The following NMD3 variants were observed in gnomAD, a reference collection of about 807,000 sequenced individuals.
The protein encoded by NMD3 is NMD3 ribosome export adaptor.
A neutral mutation model predicts 73.1 loss-of-function variants in NMD3; 47 were observed. The ratio of observed to expected loss-of-function variants is 0.64; its 90% CI spans 0.51 to 0.82. The LOEUF is 0.82. NMD3 is among the 40% of genes least tolerant of loss of function. NMD3 has a pLI of 0.00. For synonymous variants in NMD3, 210 were observed against 194.5 expected (o/e 1.08, Z -0.66); for missense variants, 554 against 612.5 (o/e 0.90, Z 1.01).
downstream of NMD3, chr3:161,252,665 G>A (rs1230356206): frequency 1.9e-6 from 1 of 521,168 alleles, no homozygotes; most frequent in Admixed American, 3.2e-5. Flanking sequence ...TCCCAAAGTT[G>A]TTATGGCTTG....
At chr3:161,243,264 A>C (rs1387601505) in intron 11 of NMD3, among the ~76,000 whole-genome samples, 1 of 152,206 alleles carries the variant, frequency 6.6e-6, no homozygotes, top group Non-Finnish European at 1.5e-5. Context: ...ATTAATAATA[A>C]AATAGACCAA....
At chr3:161,250,395 G>T in intron 15 of NMD3, 69 bp downstream of exon 15, 4 of 904,824 alleles carry the variant, frequency 4.4e-6, no homozygotes, top group East Asian at 5.2e-5. Flanking sequence ...TGAATATTTT[G>T]GTATCTTAAG....
intron 2 of NMD3, 110 bp from the exon 3 acceptor site, chr3:161,224,820 G>A: frequency 9.3e-7 from 1 of 1,077,184 alleles, no homozygotes; most frequent in South Asian, 1.7e-5. Flanking sequence ...TTTGAAAAGG[G>A]CAAAGATGCT....
At chr3:161,238,916 T>A in intron 9 of NMD3, 90 bp downstream of exon 9, 1 of 605,258 alleles carries the variant, frequency 1.7e-6, no homozygotes, top group Non-Finnish European at 2.9e-6. Flanking sequence ...GGTTTTCCTC[T>A]AGGGTTGGTT....
At chr3:161,227,551 G>T (rs1310967815) in intron 4 of NMD3, among the ~76,000 whole-genome samples, 1 of 147,396 alleles carries the variant, frequency 6.8e-6, no homozygotes, top group Non-Finnish European at 1.5e-5. Flanking sequence ...GGGTTCACAC[G>T]ATTCTCCTGC....
In NMD3 at chr3:161,241,481, C is replaced by T. The variant is rs571430358; in HGVS notation, c.871+318C>T. Among the ~76,000 whole-genome samples the T allele has an allele frequency of 1.0e-3, 141 of 140,576 alleles. 1 individual carries two copies. Among genetic ancestry groups the T allele is most frequent in the Non-Finnish European group, 1.6e-3 (108 of 66,596 alleles). 92.2% of individuals were successfully genotyped at this position (140,576 alleles called of 152,430 possible). The stretch of plus-strand genomic sequence containing the variant: ...TATTGCCCAGGCTGGTGTGCAGTGG[C>T]GCAATCTCAGCTCACTGCAACCTCC... On this transcript the variant is annotated intron_variant, in intron 10 of 15. Coordinates refer to ENST00000351193, the MANE Select transcript of NMD3 (RefSeq NM_015938.5).
chr3:161,221,881 A>G (rs1387660823), intron 1 of NMD3, 113 bp from the exon 2 acceptor site: 3 of 634,878 alleles, frequency 4.7e-6, no homozygotes, highest in African/African-American at 1.9e-5. Context: ...TTCTGTGAAT[A>G]TATTAATTAT....
rs569860028 is a variant in NMD3 at position 161,227,119 on chromosome 3, A to T, written c.180-128A>T. On this transcript the variant is annotated intron_variant, in intron 3 of 15. Coordinates refer to ENST00000351193, the MANE Select transcript of NMD3 (RefSeq NM_015938.5). Reference sequence around the variant, plus strand: ...GAACCATTAAAATATGTTTGAGTTAAGTGCTTCATATCATCCTTGGGTTTT... The same window carrying T: ...GAACCATTAAAATATGTTTGAGTTATGTGCTTCATATCATCCTTGGGTTTT... The T allele has an allele frequency of 3.1e-4, 177 of 564,860 alleles. No individual in the cohort carries two copies. In the East Asian group the frequency reaches 5.5e-3, roughly 17 times the overall value. 35.0% of individuals were successfully genotyped at this position (564,860 alleles called of 1,614,324 possible).
rs1450609968 is a variant in NMD3, at chr3:161,242,641, G to T, written c.1005G>T (p.Met335Ile). The T allele has an allele frequency of 3.1e-6, 5 of 1,608,384 alleles. No homozygotes were observed. Among genetic ancestry groups the T allele is most frequent in the African/African-American group, 2.7e-5 (2 of 74,678 alleles). ...TAAAACGTGCTGCAGGTGCTGGAAT[G>T]ATATCAAAAAAGGTAAGCTACATCC... Reference protein sequence around the residue: ...QDIKRAAGAGMISKKHTLGEV... With the variant: ...QDIKRAAGAGIISKKHTLGEV... The change falls in exon 11 of 16, where the codon ATG becomes ATT. Residue 335 changes from methionine (M) to isoleucine (I), a missense_variant. Met to Ile is a conservative substitution (Grantham distance 10). Transcript: ENST00000351193.
chr3:161,242,443 T>A (rs891183735), intron 10 of NMD3, 65 bp from the exon 11 acceptor site: 91 of 1,456,872 alleles, frequency 6.2e-5, no homozygotes, highest in Non-Finnish European at 8.1e-5. Context: ...TATTCTTAGT[T>A]AATACATTTG....
At chr3:161,233,520 G>A (rs560106744) in intron 5 of NMD3, 41 bp downstream of exon 5, 2 of 1,284,288 alleles carry the variant, frequency 1.6e-6, no homozygotes, top group Admixed American at 1.9e-5. Flanking sequence ...TAAAGTGCAG[G>A]TAGTGAAAAT....
In NMD3 at chr3:161,229,382, A is replaced by G. The variant is rs530913934; in HGVS notation, c.276+2039A>G. Among the ~76,000 whole-genome samples, 11 of 152,338 alleles carry G rather than the reference A, an allele frequency of 7.2e-5. 3 individuals are homozygous for G. Among genetic ancestry groups the G allele is most frequent in the South Asian group, 2.1e-4 (1 of 4,830 alleles). On this transcript the variant is annotated intron_variant, in intron 4 of 15. Transcript: ENST00000351193. The stretch of plus-strand genomic sequence containing the variant: ...TAAGAAGTGGACAGATTTTGGATCT[A>G]TTTTTAAGGTAGTAACATTTACTGA...
chr3:161,241,438 TGAGATGGAGTCTGGC>T (rs1736981430), intron 10 of NMD3, among the ~76,000 whole-genome samples: 1 of 149,442 alleles, frequency 6.7e-6, no homozygotes, highest in African/African-American at 2.5e-5. Context: ...TTTTTTTTTT[TGAGATGGAGTCTGGC>T]TCTATTGCCC....
At chr3:161,230,236 C>T (rs1459291170) in intron 4 of NMD3, among the ~76,000 whole-genome samples, 1 of 152,096 alleles carries the variant, frequency 6.6e-6, no homozygotes, top group African/African-American at 2.4e-5. Flanking sequence ...GTAGTTGGTA[C>T]TACAAACATG....
At chr3:161,246,289 A>T in intron 11 of NMD3, 47 bp from the exon 12 acceptor site, 1 of 692,018 alleles carries the variant, frequency 1.4e-6, no homozygotes, top group Non-Finnish European at 2.3e-6. Context: ...AGATGCTTTT[A>T]GAGTTATGTT....
intron 7 of NMD3, among the ~76,000 whole-genome samples, chr3:161,235,831 T>C (rs1177887473): frequency 2.0e-5 from 3 of 152,126 alleles, no homozygotes; most frequent in Non-Finnish European, 4.4e-5. Context: ...ACAAATAAAA[T>C]AAATCTCATC....
At chr3:161,233,859 GA>G (rs1736636141) in intron 5 of NMD3, among the ~76,000 whole-genome samples, 31 of 152,158 alleles carry the variant, frequency 2.0e-4, no homozygotes, top group Admixed American at 2.0e-3. Flanking sequence ...CTTGGGACAA[GA>G]AGTGTTTCAG....
chr3:161,240,988 GTT>G, intron 9 of NMD3, 56 bp from the exon 10 acceptor site: 1 of 1,052,326 alleles, frequency 9.5e-7, no homozygotes, highest in East Asian at 2.4e-5. Context: ...ATTGATGAGT[GTT>G]TATTGGACTG....
At chr3:161,224,802 G>A (rs1736243060) in intron 2 of NMD3, 128 bp from the exon 3 acceptor site, 1 of 943,384 alleles carries the variant, frequency 1.1e-6, no homozygotes, top group Non-Finnish European at 1.5e-6. Context: ...CTTTGTTTCT[G>A]TTATTTTTTT....
Sources: gnomAD v4.1 joint callset for allele counts (sites outside exome capture counted in the v4.1 genomes callset) on GRCh38, gnomAD v4.1.1 for gene constraint, MANE v1.5 for transcripts, NCBI Gene and HGNC (gene_info 2026-07-23, HGNC 2026-07-21) for gene names.